Variants in NEGR1 observed in about 807,000 individuals in gnomAD.
The protein encoded by NEGR1 is IgLON family member 4.
Under a neutral mutation model 40.9 loss-of-function variants are expected in NEGR1, and 10 were observed. That is an observed-to-expected ratio of 0.24 (90% confidence interval 0.15 to 0.42). NEGR1 has a LOEUF of 0.42. Ranked by LOEUF, NEGR1 falls within the 10% of genes least tolerant of loss-of-function variation. NEGR1 has a pLI of 1.00. For missense variants in NEGR1, 352 were observed against 438.9 expected, an observed-to-expected ratio of 0.80 and a Z score of 1.77; for synonymous variants, 185 against 166.8, an observed-to-expected ratio of 1.11 and a Z score of -0.84.
chr1:72,255,550 T>TC (rs1655241512), intron 1 of NEGR1, among the ~76,000 whole-genome samples: 1 of 135,760 alleles, frequency 7.4e-6, no homozygotes, highest in East Asian at 2.0e-4. Flanking sequence ...AATACTTCTT[T>TC]TTTTTTTTTT....
At chr1:71,987,558 A>G (rs191006590) in intron 1 of NEGR1, among the ~76,000 whole-genome samples, 5 of 152,302 alleles carry the variant, frequency 3.3e-5, no homozygotes. Context: ...TACTGCTGGA[A>G]CATGAAGGCG....
In NEGR1 at chr1:71,496,877, A is replaced by G. The variant is rs1646967373; in HGVS notation, c.941-89307T>C. Among the ~76,000 whole-genome samples the G allele has an allele frequency of 2.0e-5, 3 of 152,170 alleles. No individual in the cohort carries two copies. The South Asian group carries it at 6.2e-4, about 32-fold the overall frequency. On this transcript the variant is annotated intron_variant, in intron 6 of 6. Transcript: ENST00000357731. ...ACTTTTTAAGCAGTCTTCATATTTC[A>G]CAAAACCCCTTTGTAGCTAGTTAAG...
chr1:71,963,084 G>A (rs980477004), intron 1 of NEGR1, among the ~76,000 whole-genome samples: 7 of 150,142 alleles, frequency 4.7e-5, no homozygotes, highest in East Asian at 1.9e-4. Context: ...TTTCTGTATC[G>A]ATATCTATTT....
intron 6 of NEGR1, among the ~76,000 whole-genome samples, chr1:71,448,969 T>G (rs1646603749): frequency 6.6e-6 from 1 of 152,184 alleles, no homozygotes. Flanking sequence ...TAAATTTACT[T>G]CGGTTGTCAA....
chr1:71,869,828 T>C (rs1287480218), intron 2 of NEGR1, among the ~76,000 whole-genome samples: 1 of 151,952 alleles, frequency 6.6e-6, no homozygotes, highest in African/African-American at 2.4e-5. Flanking sequence ...TTAACAGTGG[T>C]CTTAATATAT....
intron 3 of NEGR1, among the ~76,000 whole-genome samples, chr1:71,740,288 A>G (rs1310821934): frequency 2.0e-5 from 3 of 152,196 alleles, no homozygotes; most frequent in African/African-American, 7.2e-5. Context: ...TAAATGGTGA[A>G]TGAATTACTA....
At chr1:71,881,557 A>G (rs1660585030) in intron 2 of NEGR1, among the ~76,000 whole-genome samples, 1 of 152,128 alleles carries the variant, frequency 6.6e-6, no homozygotes, top group Non-Finnish European at 1.5e-5. Context: ...GCCAAAATTT[A>G]TATGTAAACC....
intron 6 of NEGR1, among the ~76,000 whole-genome samples, chr1:71,527,063 A>T (rs1569987767): frequency 6.6e-6 from 1 of 151,726 alleles, no homozygotes; most frequent in African/African-American, 2.4e-5. Context: ...TGATATTTTT[A>T]AAGCCATATC....
chr1:71,926,386 C>A (rs542015832), intron 2 of NEGR1, among the ~76,000 whole-genome samples: 6 of 151,324 alleles, frequency 4.0e-5, no homozygotes, highest in Admixed American at 4.0e-4. Flanking sequence ...TTCTCCTCAT[C>A]AACACTGACC....
chr1:71,530,420 A>C (rs994675417), intron 6 of NEGR1, among the ~76,000 whole-genome samples: 3 of 151,136 alleles, frequency 2.0e-5, no homozygotes, highest in Non-Finnish European at 4.4e-5. Flanking sequence ...ATTCTTTTAA[A>C]AGCTTTTGTT....
rs1194408394 is a variant in NEGR1, at chr1:72,087,751, C to CTTTT, written c.177-152444_177-152441dup. Among the ~76,000 whole-genome samples, 215 of 95,066 alleles carry CTTTT rather than the reference C, an allele frequency of 2.3e-3. 4 individuals are homozygous for CTTTT. Among genetic ancestry groups the CTTTT allele is most frequent in the African/African-American group, 8.4e-3 (208 of 24,802 alleles). 62.4% of individuals were successfully genotyped at this position (95,066 alleles called of 152,430 possible). A position where few individuals can be genotyped will look rare whatever the true frequency, so the allele number is the denominator to read the frequency against. On this transcript the variant is annotated intron_variant, in intron 1 of 6. Transcript: ENST00000357731. ...GGGACAACAGGTGTGTGCCACTGTG[C>CTTTT]TTTTTTTTTTTTTTTTTTTTTTAAT...
chr1:71,522,927 T>C (rs1647170888), intron 6 of NEGR1, among the ~76,000 whole-genome samples: 1 of 152,058 alleles, frequency 6.6e-6, no homozygotes, highest in South Asian at 2.1e-4. Flanking sequence ...CCTGGCTGCA[T>C]GATCAGAGGC....
At chr1:71,805,254 G>A (rs180699045) in intron 2 of NEGR1, among the ~76,000 whole-genome samples, 102 of 152,214 alleles carry the variant, frequency 6.7e-4, no homozygotes, top group African/African-American at 2.4e-3. Flanking sequence ...ATCTTGCCCT[G>A]CCTCCATTTA....
chr1:71,739,523 TAA>T (rs57763111), intron 3 of NEGR1, among the ~76,000 whole-genome samples: 1 of 138,810 alleles, frequency 7.2e-6, no homozygotes, highest in African/African-American at 2.6e-5. Flanking sequence ...AACAAAAAAC[TAA>T]AAAAAAAAAA....
chr1:71,624,414 G>T (rs993758885), intron 4 of NEGR1, among the ~76,000 whole-genome samples: 8 of 151,942 alleles, frequency 5.3e-5, no homozygotes, highest in African/African-American at 1.9e-4. Context: ...TCTGTTAAAA[G>T]AAGACAAATC....
intron 3 of NEGR1, among the ~76,000 whole-genome samples, chr1:71,772,545 T>C (rs1656366175): frequency 6.6e-6 from 1 of 152,184 alleles, no homozygotes; most frequent in Admixed American, 6.5e-5. Context: ...TTGGATTCTG[T>C]ACTAGACAAA....
intron 6 of NEGR1, among the ~76,000 whole-genome samples, chr1:71,453,847 T>C (rs1646651129): frequency 6.6e-6 from 1 of 152,106 alleles, no homozygotes; most frequent in African/African-American, 2.4e-5. Flanking sequence ...TGGGGAACAG[T>C]ACTAAATGGA....
intron 3 of NEGR1, among the ~76,000 whole-genome samples, chr1:71,710,312 T>A (rs78855721): frequency 0.027 from 4,100 of 152,136 alleles, 190 homozygotes; most frequent in African/African-American, 0.095. Context: ...TAAAGAACAG[T>A]TTAGAGATTC....
At chr1:71,941,832 G>A (rs959345701) in intron 1 of NEGR1, among the ~76,000 whole-genome samples, 1 of 151,876 alleles carries the variant, frequency 6.6e-6, no homozygotes, top group Non-Finnish European at 1.5e-5. Context: ...TTTGAGTTAG[G>A]TTATATCAAA....
Sources: allele counts gnomAD v4.1 joint callset (sites outside exome capture counted in the v4.1 genomes callset), GRCh38; gene constraint gnomAD v4.1.1; transcripts MANE v1.5; gene names NCBI Gene and HGNC (gene_info 2026-07-23, HGNC 2026-07-21).